The following AKIRIN2 variants were observed in gnomAD, a reference collection of about 807,000 sequenced individuals.
AKIRIN2 encodes akirin-2.
Under a neutral mutation model 29.3 loss-of-function variants are expected in AKIRIN2, and 6 were observed. The observed-to-expected ratio is 0.20, with a 90% CI of 0.11 to 0.40. The LOEUF (loss-of-function observed/expected upper bound fraction) is 0.40. Among genes scored for constraint, AKIRIN2 ranks in the 10% least tolerant of loss-of-function variants. The pLI, the probability that AKIRIN2 is intolerant of heterozygous loss-of-function variation, is 1.00. For synonymous variants in AKIRIN2, 128 were observed against 117.5 expected (o/e 1.09, Z -0.58); for missense variants, 210 against 276.1 (o/e 0.76, Z 1.70).
chr6:87,701,408 A>G, intron 1 of AKIRIN2, 42 bp downstream of exon 1: 1 of 1,528,058 alleles, frequency 6.5e-7, no homozygotes, highest in Non-Finnish European at 8.8e-7. Flanking sequence ...CCCTGTTCCC[A>G]GTTCTCTCCA....
At chr6:87,700,188 C>A (rs1396724731) in intron 1 of AKIRIN2, among the ~76,000 whole-genome samples, 3 of 151,012 alleles carry the variant, frequency 2.0e-5, no homozygotes, top group African/African-American at 7.3e-5. Flanking sequence ...TTAAATTAGA[C>A]CAAATATTTA....
In AKIRIN2 at chr6:87,701,717, G is replaced by T; in HGVS notation, c.-33C>A. On this transcript the variant is annotated 5_prime_UTR_variant, in exon 1 of 5. Transcript: ENST00000257787. The stretch of plus-strand genomic sequence containing the variant: ...GGCAGCTGAGGCGCCGGGCTCGGGT[G>T]GGGTCGGGGACGGGTGACGAAAGAA... 7.1e-7 allele frequency: 1 copy of T among 1,401,916 alleles called. No homozygotes were observed. Among genetic ancestry groups the T allele is most frequent in the Non-Finnish European group, 9.3e-7 (1 of 1,070,298 alleles). 86.8% of individuals were successfully genotyped at this position (1,401,916 alleles called of 1,614,324 possible). A position where few individuals can be genotyped will look rare whatever the true frequency, so the allele number is the denominator to read the frequency against.
At chr6:87,677,294 A>AT in intron 3 of AKIRIN2, among the ~76,000 whole-genome samples, 1 of 152,294 alleles carries the variant, frequency 6.6e-6, no homozygotes, top group Middle Eastern at 3.4e-3. Context: ...TAACACCTCT[A>AT]TATTAATTCC....
chr6:87,697,142 C>G (rs1301535424), intron 1 of AKIRIN2, among the ~76,000 whole-genome samples: 1 of 151,418 alleles, frequency 6.6e-6, no homozygotes, highest in African/African-American at 2.4e-5. Flanking sequence ...AACCCCATCT[C>G]TACTAAAAAT....
chr6:87,676,485 G>A lies in AKIRIN2; in HGVS notation c.530-554C>T, dbSNP rs149838469. On this transcript the variant is annotated intron_variant, in intron 3 of 4. Coordinates refer to ENST00000257787, the MANE Select transcript of AKIRIN2 (RefSeq NM_018064.4). ...AAAAAAAAAAAACGAGGCCGGGCGCGGTGGCTCACAGCTGTAATCCCAGCA... is the reference window on the plus strand; with the variant it reads ...AAAAAAAAAAAACGAGGCCGGGCGCAGTGGCTCACAGCTGTAATCCCAGCA... Among the ~76,000 whole-genome samples the A allele has an allele frequency of 9.0e-3, 1,326 of 147,884 alleles. 21 individuals carry two copies. The highest frequency in any genetic ancestry group is 0.031 in the African/African-American group (1,212 of 39,630).
At chr6:87,696,883 G>A (rs1171415483) in intron 1 of AKIRIN2, among the ~76,000 whole-genome samples, 3 of 151,770 alleles carry the variant, frequency 2.0e-5, no homozygotes, top group African/African-American at 7.3e-5. Flanking sequence ...GTGTGCGCCT[G>A]TAATCCCGGC....
chr6:87,677,791 A>G lies in AKIRIN2; in HGVS notation c.529+27T>C, dbSNP rs781738649. The G allele has an allele frequency of 2.5e-6, 4 of 1,603,782 alleles. No homozygotes were observed. The Admixed American group carries it at 5.1e-5, about 20-fold the overall frequency. On this transcript the variant is annotated intron_variant, in intron 3 of 4. Transcript: ENST00000257787. ...TGCATTTCACACAACTGAGTTCCTC[A>G]GAAACTCTAATAAACACACCTCATA...
chr6:87,679,220 T>A (rs996458935), intron 2 of AKIRIN2, among the ~76,000 whole-genome samples: 2 of 152,092 alleles, frequency 1.3e-5, no homozygotes, highest in African/African-American at 4.8e-5. Context: ...GAATCCTTTT[T>A]AGAAAAGATT....
intron 1 of AKIRIN2, among the ~76,000 whole-genome samples, chr6:87,699,786 T>C (rs767978370): frequency 3.1e-4 from 47 of 152,336 alleles, no homozygotes; most frequent in Non-Finnish European, 4.1e-4. Flanking sequence ...AGTCCCCAAT[T>C]GTTCACATAC....
chr6:87,696,127 G>C (rs183543180), intron 1 of AKIRIN2, among the ~76,000 whole-genome samples: 1 of 152,130 alleles, frequency 6.6e-6, no homozygotes, highest in Non-Finnish European at 1.5e-5. Context: ...GCAGTGAGCC[G>C]AGATTGTGCT....
At chr6:87,680,775 T>C (rs201524228) in intron 2 of AKIRIN2, among the ~76,000 whole-genome samples, 90 of 35,980 alleles carry the variant, frequency 2.5e-3, no homozygotes, top group African/African-American at 0.017. Context: ...CCCCCCCCTT[T>C]TTTTTTTTTT....
chr6:87,684,505 C>G (rs548781798), intron 1 of AKIRIN2, among the ~76,000 whole-genome samples: 1 of 152,276 alleles, frequency 6.6e-6, no homozygotes, highest in South Asian at 2.1e-4. Context: ...AAAAACTTCT[C>G]TTGGGCTTCT....
At chr6:87,696,057 G>GTC (rs1027331766) in intron 1 of AKIRIN2, among the ~76,000 whole-genome samples, 1 of 152,032 alleles carries the variant, frequency 6.6e-6, no homozygotes, top group Non-Finnish European at 1.5e-5. Context: ...GCACATGCCT[G>GTC]TATCTCCAGG....
intron 3 of AKIRIN2, among the ~76,000 whole-genome samples, chr6:87,676,715 G>C (rs1028911957): frequency 2.6e-5 from 4 of 151,828 alleles, no homozygotes; most frequent in Non-Finnish European, 4.4e-5. Flanking sequence ...GGGAGGCAGA[G>C]GTTGCAGTGA....
At chr6:87,678,241 T>C (rs1249678436) in intron 2 of AKIRIN2, among the ~76,000 whole-genome samples, 1 of 152,180 alleles carries the variant, frequency 6.6e-6, no homozygotes, top group Non-Finnish European at 1.5e-5. Context: ...TTGGGCGTGG[T>C]GCTCACCGCC....
chr6:87,679,664 ACT>A (rs138706784), intron 2 of AKIRIN2, among the ~76,000 whole-genome samples: 13,748 of 152,038 alleles, frequency 0.09, 670 homozygotes, highest in African/African-American at 0.12. Context: ...TATGCTCAAA[ACT>A]CTATACCATA....
intron 1 of AKIRIN2, among the ~76,000 whole-genome samples, chr6:87,691,339 G>A (rs1481656551): frequency 6.6e-6 from 1 of 151,128 alleles, no homozygotes; most frequent in African/African-American, 2.4e-5. Flanking sequence ...TACTTGGGTG[G>A]CTGAGGCAGG....
chr6:87,691,853 G>T (rs986256851), intron 1 of AKIRIN2, among the ~76,000 whole-genome samples: 1 of 152,222 alleles, frequency 6.6e-6, no homozygotes, highest in Non-Finnish European at 1.5e-5. Context: ...CTGAAGAAAT[G>T]GAAGCAAACA....
Position 87,681,258 on chromosome 6 carries a change from A to G in AKIRIN2, c.379+362T>C, listed in dbSNP as rs1325669129. Among the ~76,000 whole-genome samples the G allele has an allele frequency of 1.3e-5, 2 of 152,088 alleles. 1 individual carries two copies. The highest frequency in any genetic ancestry group is 4.1e-4 in the South Asian group (2 of 4,826). ...TTGCCATGTTGGCCAGGCTGGTCTC[A>G]AACTCCTGACCTCAAGTGACCTGTC... is the stretch of plus-strand genomic sequence containing the variant. On this transcript the variant is annotated intron_variant, in intron 2 of 4. Coordinates refer to ENST00000257787, the MANE Select transcript of AKIRIN2 (RefSeq NM_018064.4).
Sources: gnomAD v4.1 joint callset for allele counts (sites outside exome capture counted in the v4.1 genomes callset) on GRCh38, gnomAD v4.1.1 for gene constraint, MANE v1.5 for transcripts, NCBI Gene and HGNC (gene_info 2026-07-23, HGNC 2026-07-21) for gene names.